Variants in CARD10 observed in about 807,000 individuals in gnomAD.
CARD10 encodes the protein caspase recruitment domain-containing protein 10.
Under a neutral mutation model 114.6 loss-of-function variants are expected in CARD10, and 49 were observed. The ratio of observed to expected loss-of-function variants is 0.43; its 90% CI spans 0.34 to 0.54. CARD10 has a LOEUF of 0.54. CARD10 is among the 20% of genes least tolerant of loss of function. The pLI, the probability that CARD10 is intolerant of heterozygous loss-of-function variation, is 0.03. For synonymous variants in CARD10, 602 were observed against 593.2 expected (o/e 1.01, Z -0.21); for missense variants, 1,206 against 1,397.2 (o/e 0.86, Z 2.18).
At position 37,491,839 on chromosome 22, in the gene CARD10, C is replaced by T. The variant is rs1215328517; in HGVS notation, c.2780G>A (p.Arg927Gln). Residue 927 changes from arginine (R) to glutamine (Q), a missense_variant, in exon 19 of 20, where the codon CGG becomes CAG. Coordinates refer to ENST00000251973, the MANE Select transcript of CARD10 (RefSeq NM_014550.4). ...GTTCTGCACCAGCTCCCGCACACCCCGAGCACCCAGCTCCAGCAGGCAGTG... is the reference window on the plus strand; with the variant it reads ...GTTCTGCACCAGCTCCCGCACACCCTGAGCACCCAGCTCCAGCAGGCAGTG... ...KKHCLLELGARGVRELVQNEI... is the reference protein window; with the variant it reads ...KKHCLLELGAQGVRELVQNEI... 6 of 1,608,890 alleles carry T rather than the reference C, an allele frequency of 3.7e-6. No individual in the cohort carries two copies. Among genetic ancestry groups the T allele is most frequent in the African/African-American group, 1.3e-5 (1 of 74,384 alleles).
At chr22:37,518,337 C>T (rs766908967) in intron 1 of CARD10, among the ~76,000 whole-genome samples, 1 of 152,318 alleles carries the variant, frequency 6.6e-6, no homozygotes, top group Non-Finnish European at 1.5e-5. Context: ...CCCAACACCC[C>T]CCACAGACAC....
intron 5 of CARD10, 87 bp from the exon 6 acceptor site, chr22:37,508,041 G>A: frequency 6.6e-7 from 1 of 1,515,830 alleles, no homozygotes; most frequent in Non-Finnish European, 9.0e-7. Flanking sequence ...GCCAGTGAGA[G>A]ACGCTCACCA....
Position 37,501,511 on chromosome 22 carries a change from G to A in CARD10, c.1787+1091C>T, listed in dbSNP as rs545435539. Reference sequence around the variant, plus strand: ...GGCCTGGACACTGGCTGACCAAGCCGCTCCGGAGGCCAGAGGCCCTGGTCC... The same window carrying A: ...GGCCTGGACACTGGCTGACCAAGCCACTCCGGAGGCCAGAGGCCCTGGTCC... On this transcript the variant is annotated intron_variant, in intron 11 of 19. Coordinates refer to ENST00000251973, the MANE Select transcript of CARD10 (RefSeq NM_014550.4). This position sits in a 1 kb window ranked among gnomAD's most constrained non-coding sequence, Gnocchi z 5.4. Among the ~76,000 whole-genome samples the A allele has an allele frequency of 7.9e-5, 12 of 152,328 alleles. No homozygotes were observed. The highest frequency in any genetic ancestry group is 3.9e-4 in the East Asian group (2 of 5,182).
intron 3 of CARD10, among the ~76,000 whole-genome samples, chr22:37,510,775 C>T (rs1022714774): frequency 1.3e-5 from 2 of 152,098 alleles, no homozygotes; most frequent in Non-Finnish European, 2.9e-5. Context: ...GGAGGAGGGC[C>T]GCATCAAGAA....
chr22:37,492,959 G>A lies in CARD10; in HGVS notation c.2477-157C>T, dbSNP rs995163643. 3.3e-5 allele frequency among the ~76,000 whole-genome samples: 5 copies of A among 152,006 alleles called. No individual in the cohort carries two copies. Among genetic ancestry groups the A allele is most frequent in the African/African-American group, 1.2e-4 (5 of 41,358 alleles). On this transcript the variant is annotated intron_variant, in intron 16 of 19. Transcript: ENST00000251973. This position sits in a 1 kb window ranked among gnomAD's most constrained non-coding sequence, Gnocchi z 5.7. ...CACACACACCCTTAGTAGGACCGAC[G>A]GTGGCAGTAGGCTCCTCCCTGATTC...
At chr22:37,517,893 C>T (rs374808322) in intron 2 of CARD10, 78 bp downstream of exon 2, 55 of 1,530,122 alleles carry the variant, frequency 3.6e-5, no homozygotes, top group Non-Finnish European at 4.9e-5. Context: ...ATAGTGGGAG[C>T]GCCTCCCTAA....
Position 37,516,114 on chromosome 22 carries a change from T to C in CARD10, c.558A>G (p.Gln186=), listed in dbSNP as rs1175873277. The change falls in exon 3 of 20, where the codon CAA becomes CAG. Residue 186 remains glutamine, a synonymous_variant. Transcript: ENST00000251973. ...CCGCCTCCCAGTCCTCCCGCAGCCGTTGACAGCGCTCCTGAGCCTGCTGCT... is the reference window on the plus strand; with the variant it reads ...CCGCCTCCCAGTCCTCCCGCAGCCGCTGACAGCGCTCCTGAGCCTGCTGCT... The part of the protein sequence containing the change: ...RDQQQAQERC[Q]RLREDWEAGS... 3.1e-6 allele frequency: 5 copies of C among 1,596,346 alleles called. No homozygotes were observed. In the South Asian group the frequency reaches 3.4e-5, roughly 11 times the overall value.
chr22:37,509,117 T>C (rs1289708459), intron 4 of CARD10: 42 of 1,510,710 alleles, frequency 2.8e-5, no homozygotes, highest in Non-Finnish European at 3.3e-5. Context: ...GGGCCCAAGA[T>C]CTTGCCCCCA....
At position 37,519,148 on chromosome 22, in the gene CARD10, G is replaced by A. The variant is rs768265846; in HGVS notation, c.53C>T (p.Ser18Leu). Residue 18 changes from serine to leucine, a missense_variant, in exon 1 of 20, where the codon TCG becomes TTG. Physicochemically the swap from Ser to Leu is moderately radical, Grantham distance 145. Transcript: ENST00000251973. This position sits in a 1 kb window ranked among gnomAD's most constrained non-coding sequence, Gnocchi z 4.1. ...CGCGTCCTCCTCCGCCTCAGACCCC[G>A]AGCCGGCCCCGGCCTCCTCCTCGGC... The part of the protein sequence containing the change: ...GEAEEEAGAG[S>L]GSEAEEDALW... 17 of 1,546,924 alleles carry A rather than the reference G, an allele frequency of 1.1e-5. No homozygotes were observed. The highest frequency in any genetic ancestry group is 1.5e-5 in the Non-Finnish European group (17 of 1,152,890).
chr22:37,496,809 T>C lies in CARD10; in HGVS notation c.1947+210A>G. The C allele has an allele frequency of 3.0e-6, 2 of 670,160 alleles. No homozygotes were observed. Among genetic ancestry groups the C allele is most frequent in the Admixed American group, 5.7e-5 (2 of 35,126 alleles). 41.5% of individuals were successfully genotyped at this position (670,160 alleles called of 1,614,324 possible). ...CTTGAAGCGCAGGAATGTAACGTGC[T>C]GTCAGTTGGCTCCACCTCCCAGTCC... On this transcript the variant is annotated intron_variant, in intron 12 of 19. Coordinates refer to ENST00000251973, the MANE Select transcript of CARD10 (RefSeq NM_014550.4). The surrounding 1 kb of genome is among the most constrained non-coding windows in gnomAD (Gnocchi z 4.1).
chr22:37,511,226 GC>G (rs1923628930), intron 3 of CARD10, among the ~76,000 whole-genome samples: 1 of 151,412 alleles, frequency 6.6e-6, no homozygotes. Flanking sequence ...GTGTGGTGGT[GC>G]GCGCCTATTA....
rs2145755768 is a variant in CARD10 at position 37,497,186 on chromosome 22, G to A, written c.1788-8C>T. 6.2e-7 allele frequency: 1 copy of A among 1,607,122 alleles called. No individual in the cohort carries two copies. Among genetic ancestry groups the A allele is most frequent in the Non-Finnish European group, 8.5e-7 (1 of 1,177,544 alleles). ...ACCCGAATAGCCAGAGACCTGAGAAGGGAGAAAGGAGATGAGAATTGGAGT... is the reference window on the plus strand; with the variant it reads ...ACCCGAATAGCCAGAGACCTGAGAAAGGAGAAAGGAGATGAGAATTGGAGT... On this transcript the variant is annotated splice_region_variant and splice_polypyrimidine_tract_variant and intron_variant, in intron 11 of 19. Transcript: ENST00000251973.
rs375093209 is a variant in CARD10, at chr22:37,501,274, G to A, written c.1787+1328C>T. Among the ~76,000 whole-genome samples the A allele has an allele frequency of 1.1e-3, 167 of 152,228 alleles. No homozygotes were observed. Among genetic ancestry groups the A allele is most frequent in the African/African-American group, 3.8e-3 (156 of 41,536 alleles). The stretch of plus-strand genomic sequence containing the variant: ...CCCCATGTGATCGTGGGGCCTGGGC[G>A]GGGCTGGGACGGAGGCTCCTGCTCC... On this transcript the variant is annotated intron_variant, in intron 11 of 19. Transcript: ENST00000251973. This position sits in a 1 kb window ranked among gnomAD's most constrained non-coding sequence, Gnocchi z 5.4.
At chr22:37,505,775 G>A (rs143866675) in intron 7 of CARD10, among the ~76,000 whole-genome samples, 2 of 152,260 alleles carry the variant, frequency 1.3e-5, no homozygotes, top group African/African-American at 4.8e-5. Context: ...CCCTCTCTGG[G>A]CCCTGTGCGA....
At position 37,492,086 on chromosome 22, in the gene CARD10, G is replaced by C. The variant is rs937055812; in HGVS notation, c.2752-219C>G. Among the ~76,000 whole-genome samples the C allele has an allele frequency of 1.3e-5, 2 of 151,958 alleles. No individual in the cohort carries two copies. Among genetic ancestry groups the C allele is most frequent in the Non-Finnish European group, 2.9e-5 (2 of 67,968 alleles). ...ATACAGACCTCCCCCTCAGGACCTAGGCCTCCCCACCCGGAGGATGGAGCT... is the reference window on the plus strand; with the variant it reads ...ATACAGACCTCCCCCTCAGGACCTACGCCTCCCCACCCGGAGGATGGAGCT... On this transcript the variant is annotated intron_variant, in intron 18 of 19. Transcript: ENST00000251973. The surrounding 1 kb of genome is among the most constrained non-coding windows in gnomAD (Gnocchi z 5.7).
At chr22:37,498,601 C>G (rs1314606345) in intron 11 of CARD10, among the ~76,000 whole-genome samples, 2 of 152,210 alleles carry the variant, frequency 1.3e-5, no homozygotes, top group Non-Finnish European at 2.9e-5. Context: ...TGCTGGGGAA[C>G]AGCCCCGCCC....
chr22:37,513,551 C>T (rs576267050), intron 3 of CARD10, among the ~76,000 whole-genome samples: 10 of 152,122 alleles, frequency 6.6e-5, no homozygotes, highest in African/African-American at 2.4e-4. Context: ...TGGCCACACA[C>T]GCAGGACATC....
In CARD10 at chr22:37,518,946, A is replaced by G; in HGVS notation, c.235+20T>C. ...GCACGGCCGGCCCAGGTCGTGGCCCACTCGGGACCCGCGGCTCACCGGTGC... is the reference window on the plus strand; with the variant it reads ...GCACGGCCGGCCCAGGTCGTGGCCCGCTCGGGACCCGCGGCTCACCGGTGC... On this transcript the variant is annotated intron_variant, in intron 1 of 19. Coordinates refer to ENST00000251973, the MANE Select transcript of CARD10 (RefSeq NM_014550.4). 1 of 1,511,218 alleles carries G rather than the reference A, an allele frequency of 6.6e-7. No individual in the cohort carries two copies. Among genetic ancestry groups the G allele is most frequent in the Non-Finnish European group, 8.9e-7 (1 of 1,129,164 alleles). 93.6% of individuals were successfully genotyped at this position (1,511,218 alleles called of 1,614,324 possible). A position where few individuals can be genotyped will look rare whatever the true frequency, so the allele number is the denominator to read the frequency against.
intron 4 of CARD10, chr22:37,509,024 C>A: frequency 6.5e-7 from 1 of 1,550,168 alleles, no homozygotes; most frequent in South Asian, 1.2e-5. Context: ...GGGCAGCAGA[C>A]GGAGGCCATT....
Sources: gnomAD v4.1 joint callset for allele counts (sites outside exome capture counted in the v4.1 genomes callset) on GRCh38, gnomAD v4.1.1 for gene constraint, Gnocchi (gnomAD v3.1) non-coding constraint, MANE v1.5 for transcripts, NCBI Gene and HGNC (gene_info 2026-07-23, HGNC 2026-07-21) for gene names.